PREPL: variants seen among roughly 807,000 people sequenced by gnomAD.
PREPL encodes the protein prolyl endopeptidase-like.
A neutral mutation model predicts 70.6 loss-of-function variants in PREPL; 77 were observed. The observed-to-expected ratio is 1.09, with a 90% CI of 0.91 to 1.32. The LOEUF is 1.32. PREPL is among the 40% of genes most tolerant of loss of function. The pLI, the probability that PREPL is intolerant of heterozygous loss-of-function variation, is 0.00. For missense variants in PREPL, 1,002 were observed against 778.2 expected (o/e 1.29, Z -3.42); for synonymous variants, 315 against 264.8 (o/e 1.19, Z -1.84).
At chr2:44,337,665 C>A (rs77697316) in intron 7 of PREPL, among the ~76,000 whole-genome samples, 7,821 of 152,256 alleles carry the variant, frequency 0.051, 251 homozygotes, top group South Asian at 0.13. Context: ...TACCTCAACT[C>A]ACATGTTAAT....
chr2:44,343,674 C>A (rs966685711), intron 4 of PREPL, 71 bp downstream of exon 4: 6 of 1,424,974 alleles, frequency 4.2e-6, no homozygotes, highest in Admixed American at 1.7e-5. Context: ...CCCTCACATG[C>A]GACAAAAAAA....
chr2:44,322,710 T>C, intron 12 of PREPL, 21 bp downstream of exon 12: 2 of 1,608,698 alleles, frequency 1.2e-6, no homozygotes, highest in Admixed American at 1.7e-5. Context: ...CCATGTTCCC[T>C]GCTTCTAGGG....
intron 5 of PREPL, 104 bp from the exon 6 acceptor site, chr2:44,339,467 A>G: frequency 6.9e-7 from 1 of 1,442,334 alleles, no homozygotes; most frequent in Non-Finnish European, 9.2e-7. Flanking sequence ...TTGATTTATA[A>G]TGCAGATAGG....
chr2:44,332,410 G>T, intron 8 of PREPL, 49 bp downstream of exon 8: 1 of 1,494,916 alleles, frequency 6.7e-7, no homozygotes, highest in Non-Finnish European at 9.3e-7. Flanking sequence ...TCTGGCAAAC[G>T]GTATGCTTTC....
At chr2:44,329,794 A>T (rs940487173) in intron 8 of PREPL, among the ~76,000 whole-genome samples, 1 of 152,216 alleles carries the variant, frequency 6.6e-6, no homozygotes, top group African/African-American at 2.4e-5. Context: ...ATGTAGCTCA[A>T]ACTCATCAGT....
intron 1 of PREPL, among the ~76,000 whole-genome samples, chr2:44,360,992 G>A (rs923132133): frequency 1.3e-5 from 2 of 152,166 alleles, no homozygotes; most frequent in Non-Finnish European, 2.9e-5. Context: ...GCGATTGGGG[G>A]TAGGGGAGCA....
chr2:44,360,499 T>A (rs1294767737), intron 1 of PREPL: 1 of 152,166 alleles, frequency 6.6e-6, no homozygotes, highest in South Asian at 2.1e-4. Flanking sequence ...AGCGCTTTAA[T>A]TAAAAACAAC....
At chr2:44,349,232 A>T (rs1036524587) in intron 1 of PREPL, among the ~76,000 whole-genome samples, 1 of 152,244 alleles carries the variant, frequency 6.6e-6, no homozygotes, top group Non-Finnish European at 1.5e-5. Flanking sequence ...ACAGCCCTTC[A>T]GTCAAGACTA....
chr2:44,354,059 G>T (rs1676743637), intron 1 of PREPL, among the ~76,000 whole-genome samples: 1 of 152,130 alleles, frequency 6.6e-6, no homozygotes, highest in Non-Finnish European at 1.5e-5. Context: ...TGCAAGGTAA[G>T]GCAGGAAGAC....
At chr2:44,345,186 T>C (rs889256756) in intron 2 of PREPL, among the ~76,000 whole-genome samples, 1 of 152,344 alleles carries the variant, frequency 6.6e-6, no homozygotes, top group East Asian at 1.9e-4. Context: ...TTAAATGTAA[T>C]TGATTGGTTG....
intron 7 of PREPL, among the ~76,000 whole-genome samples, chr2:44,333,785 T>C (rs967264189): frequency 6.6e-6 from 1 of 152,054 alleles, no homozygotes; most frequent in Non-Finnish European, 1.5e-5. Context: ...TAAACAAAAA[T>C]TGAGAAATCT....
In PREPL at chr2:44,332,457, A is replaced by G. The variant is rs1674217480; in HGVS notation, c.1086+2T>C. On this transcript the variant is annotated splice_donor_variant, in intron 8 of 13. Transcript: ENST00000409411. LOFTEE classifies it high-confidence loss of function. ...GCTGAAAGTGAAGATTATAAGACCT[A>G]CCTTGCTTTTGGCTTCTAGACGTAA... 1 of 1,609,584 alleles carries G rather than the reference A, an allele frequency of 6.2e-7. No homozygotes were observed. The highest frequency in any genetic ancestry group is 8.5e-7 in the Non-Finnish European group (1 of 1,176,082).
chr2:44,330,985 C>G (rs1005941897), intron 8 of PREPL, among the ~76,000 whole-genome samples: 2 of 152,158 alleles, frequency 1.3e-5, no homozygotes, highest in African/African-American at 4.8e-5. Context: ...CTCTGTCACA[C>G]AGGCTGGAAT....
chr2:44,323,546 G>T (rs553882430), intron 10 of PREPL, 135 bp from the exon 11 acceptor site: 11 of 637,202 alleles, frequency 1.7e-5, no homozygotes, highest in Non-Finnish European at 2.4e-5. Flanking sequence ...CTAGGAGCTA[G>T]AATACTCAGT....
In PREPL at chr2:44,328,010, G is replaced by T. The variant is rs556398103; in HGVS notation, c.1262+927C>A. ...ACTAAAATACAAAAAAATCGGGCTG[G>T]TACGGTGGCTCATGCCTGTAATCCC... On this transcript the variant is annotated intron_variant, in intron 9 of 13. Transcript: ENST00000409411. Among the ~76,000 whole-genome samples the T allele has an allele frequency of 3.3e-5, 5 of 150,518 alleles. No homozygotes were observed. The South Asian group carries it at 1.1e-3, about 32-fold the overall frequency.
rs75079992 is a variant in PREPL at position 44,356,285 on chromosome 2, T to A, written c.-49+5095A>T. On this transcript the variant is annotated intron_variant, in intron 1 of 13. Transcript: ENST00000409411. Reference sequence around the variant, plus strand: ...GGCCGGGCATGGTGGCTCACTCCTGTAATCCCAGCACTTTGGGAGGCCGAG... The same window carrying A: ...GGCCGGGCATGGTGGCTCACTCCTGAAATCCCAGCACTTTGGGAGGCCGAG... The A allele has an allele frequency of 8.1e-3, 1,234 of 152,426 alleles. 78 individuals are homozygous for A. The East Asian group carries it at 0.13, about 16-fold the overall frequency. 9.4% of individuals were successfully genotyped at this position (152,426 alleles called of 1,614,324 possible).
Position 44,329,099 on chromosome 2 carries a change from A to G in PREPL, c.1100T>C (p.Val367Ala), listed in dbSNP as rs1366005872. The change falls in exon 9 of 14, where the codon GTG (valine) becomes GCG (alanine). Residue 367 changes from valine (V) to alanine (A), a missense_variant. Coordinates refer to ENST00000409411, the MANE Select transcript of PREPL (RefSeq NM_001171613.2). ...AGTTTTGTGGAAAACAGTCATTGGC[A>G]CTAATTTTCCATCCTAGAAATGAAG... ...LEAKSKDGKL[V>A]PMTVFHKTDS... 6.3e-7 allele frequency: 1 copy of G among 1,598,820 alleles called. No individual in the cohort carries two copies. Among genetic ancestry groups the G allele is most frequent in the Non-Finnish European group, 8.6e-7 (1 of 1,168,000 alleles).
At position 44,339,248 on chromosome 2, in the gene PREPL, C is replaced by A. The variant is rs1365867612; in HGVS notation, c.601G>T (p.Val201Leu). 1 of 1,614,124 alleles carries A rather than the reference C, an allele frequency of 6.2e-7. No individual in the cohort carries two copies. The highest frequency in any genetic ancestry group is 8.5e-7 in the Non-Finnish European group (1 of 1,180,000). The change falls in exon 6 of 14, where the codon GTA (valine) becomes TTA (leucine). Residue 201 changes from valine to leucine, a missense_variant. By Grantham distance (32) the Val-to-Leu change is conservative (BLOSUM62 1). Coordinates refer to ENST00000409411, the MANE Select transcript of PREPL (RefSeq NM_001171613.2). Reference protein sequence around the residue: ...IDGLSPWDPPVLIQKRIHGVL... With the variant: ...IDGLSPWDPPLLIQKRIHGVL... ...CCATGTATTCGCTTCTGGATAAGTA[C>A]TGGTGGGTCCCAAGGGCTCAGGCCA... is the stretch of plus-strand genomic sequence containing the variant.
chr2:44,327,550 G>C (rs1673637682), intron 9 of PREPL, among the ~76,000 whole-genome samples: 1 of 152,136 alleles, frequency 6.6e-6, no homozygotes, highest in Admixed American at 6.5e-5. Context: ...AGGTGACAGA[G>C]CATGTCATTT....
Sources: gnomAD v4.1 joint callset for allele counts (sites outside exome capture counted in the v4.1 genomes callset) on GRCh38, gnomAD v4.1.1 for gene constraint, MANE v1.5 for transcripts, NCBI Gene and HGNC (gene_info 2026-07-23, HGNC 2026-07-21) for gene names.